Variants in RAB15 observed in about 807,000 individuals in gnomAD.
RAB15 encodes the protein RAB15, member RAS oncogene family, also known as ras-related protein Rab-15.
In RAB15, 13 loss-of-function variants were observed where a neutral mutation model predicts 31.8. The ratio of observed to expected loss-of-function variants is 0.41; its 90% CI spans 0.27 to 0.65. The LOEUF (loss-of-function observed/expected upper bound fraction) is 0.65, where lower values mean the gene tolerates loss of function less well. RAB15 is among the 30% of genes least tolerant of loss of function. The pLI is 0.32. For synonymous variants in RAB15, 100 were observed against 105.6 expected (o/e 0.95, Z 0.33); for missense variants, 220 against 277.3 (o/e 0.79, Z 1.47).
Position 64,948,177 on chromosome 14 carries a change from G to A in RAB15, c.*177C>T. 1 of 617,464 alleles carries A rather than the reference G, an allele frequency of 1.6e-6. No individual in the cohort carries two copies. The highest frequency in any genetic ancestry group is 2.6e-6 in the Non-Finnish European group (1 of 381,378). The allele number at this position is 617,464 out of a possible 1,614,324, so 38.2% of individuals were successfully genotyped here. On this transcript the variant is annotated 3_prime_UTR_variant, in exon 7 of 7. Transcript: ENST00000533601. This position sits in a 1 kb window ranked among gnomAD's most constrained non-coding sequence, Gnocchi z 7.0. ...CAGGGTGGACGGGCTGGGGACAGGG[G>A]CTGCTTGAGATGACAGCAGAGCCGC...
At chr14:64,957,267 C>G (rs1886627607) in intron 1 of RAB15, among the ~76,000 whole-genome samples, 1 of 152,132 alleles carries the variant, frequency 6.6e-6, no homozygotes, top group African/African-American at 2.4e-5. Flanking sequence ...GAGAATACTG[C>G]TTCCCTCCTA....
chr14:64,966,826 GA>G, intron 1 of RAB15, among the ~76,000 whole-genome samples: 1 of 152,254 alleles, frequency 6.6e-6, no homozygotes, highest in East Asian at 1.9e-4. Context: ...GGTACCAGGG[GA>G]ACAGAGTAGG....
At position 64,951,489 on chromosome 14, in the gene RAB15, C is replaced by T; in HGVS notation, c.246+114G>A. ...AACAGCTGAAAGACGCCCTGCGCTC[C>T]TCCAAGCAGGCGAACTGTATTTAGG... On this transcript the variant is annotated intron_variant, in intron 3 of 6. Transcript: ENST00000533601. This position sits in a 1 kb window ranked among gnomAD's most constrained non-coding sequence, Gnocchi z 7.2. The T allele has an allele frequency of 1.0e-6, 1 of 997,664 alleles. No individual in the cohort carries two copies. The highest frequency in any genetic ancestry group is 2.4e-5 in the East Asian group (1 of 42,136). 61.8% of individuals were successfully genotyped at this position (997,664 alleles called of 1,614,324 possible).
chr14:64,956,036 C>T (rs1481093110), intron 1 of RAB15, among the ~76,000 whole-genome samples: 2 of 152,216 alleles, frequency 1.3e-5, no homozygotes, highest in East Asian at 1.9e-4. Flanking sequence ...GTCCACATAT[C>T]GCCTGAGTAA....
rs375805912 is a variant in RAB15, at chr14:64,964,372, CTT to C, written c.124+7579_124+7580del. Among the ~76,000 whole-genome samples the C allele has an allele frequency of 1.2e-4, 18 of 151,668 alleles. No individual in the cohort carries two copies. The South Asian group carries it at 3.5e-3, about 30-fold the overall frequency. ...CCCCTTCTGTACTAAAATACAAAAA[CTT>C]AGCCCAGCGTGGTGGTGCGTGCCTG... is the stretch of plus-strand genomic sequence containing the variant. On this transcript the variant is annotated intron_variant, in intron 1 of 6. Coordinates refer to ENST00000533601, the MANE Select transcript of RAB15 (RefSeq NM_001308154.2).
Position 64,970,892 on chromosome 14 carries a change from G to T in RAB15, c.124+1061C>A, listed in dbSNP as rs998147342. On this transcript the variant is annotated intron_variant, in intron 1 of 6. Coordinates refer to ENST00000533601, the MANE Select transcript of RAB15 (RefSeq NM_001308154.2). This position sits in a 1 kb window ranked among gnomAD's most constrained non-coding sequence, Gnocchi z 4.1. ...CTCTCTCAGCAAGGAATGTGTGTTG[G>T]GGGGAGGGGGGATGGTGTGGACATG... Among the ~76,000 whole-genome samples the T allele has an allele frequency of 1.3e-4, 20 of 152,152 alleles. No homozygotes were observed. Among genetic ancestry groups the T allele is most frequent in the African/African-American group, 4.8e-4 (20 of 41,438 alleles).
rs1337930766 is a variant in RAB15 at position 64,955,263 on chromosome 14, AT to A, written c.125-2693del. Among the ~76,000 whole-genome samples the A allele has an allele frequency of 9.9e-5, 15 of 152,092 alleles. No individual in the cohort carries two copies. Among genetic ancestry groups the A allele is most frequent in the Admixed American group, 4.6e-4 (7 of 15,278 alleles). ...TCCCCGCCCACACAACCTCTCTTAA[AT>A]TTAAAAAAGGTTAACAGCCCAAGGA... On this transcript the variant is annotated intron_variant, in intron 1 of 6. Coordinates refer to ENST00000533601, the MANE Select transcript of RAB15 (RefSeq NM_001308154.2). The surrounding 1 kb of genome is among the most constrained non-coding windows in gnomAD (Gnocchi z 4.4).
At chr14:64,956,601 T>C (rs1321664926) in intron 1 of RAB15, among the ~76,000 whole-genome samples, 1 of 152,184 alleles carries the variant, frequency 6.6e-6, no homozygotes, top group Non-Finnish European at 1.5e-5. Context: ...GTTTTGCACC[T>C]GAAGTGTCAA....
chr14:64,949,133 C>T (rs915430176), intron 5 of RAB15, among the ~76,000 whole-genome samples: 3 of 152,158 alleles, frequency 2.0e-5, no homozygotes, highest in Admixed American at 1.3e-4. Flanking sequence ...TCTGTAAGCC[C>T]CAGCTTTATC....
In RAB15 at chr14:64,950,324, C is replaced by T; in HGVS notation, c.414+1G>A. ...TGGACTTGCCTTTTCCCTCCACTTA[C>T]CTGCTGCCCTTGCTCTCTTCCCACC... On this transcript the variant is annotated splice_donor_variant, in intron 5 of 6. Transcript: ENST00000533601. LOFTEE classifies it high-confidence loss of function. This position sits in a 1 kb window ranked among gnomAD's most constrained non-coding sequence, Gnocchi z 5.6. 6.2e-7 allele frequency: 1 copy of T among 1,613,720 alleles called. No homozygotes were observed. The highest frequency in any genetic ancestry group is 8.5e-7 in the Non-Finnish European group (1 of 1,179,626).
rs571253782 is a variant in RAB15 at position 64,951,302 on chromosome 14, C to T, written c.247-151G>A. ...ATATCTCTTCTCTCAGACCCCACCA[C>T]TGCCGCCTCCCAGGCCCATCACAGA... On this transcript the variant is annotated intron_variant, in intron 3 of 6. Transcript: ENST00000533601. This position sits in a 1 kb window ranked among gnomAD's most constrained non-coding sequence, Gnocchi z 7.2. 1,184 of 686,990 alleles carry T rather than the reference C, an allele frequency of 1.7e-3. 2 individuals are homozygous for T. The highest frequency in any genetic ancestry group is 1.9e-3 in the Non-Finnish European group (784 of 403,034). 42.6% of individuals were successfully genotyped at this position (686,990 alleles called of 1,614,324 possible).
chr14:64,966,646 C>A (rs1208491496), intron 1 of RAB15, among the ~76,000 whole-genome samples: 1 of 152,172 alleles, frequency 6.6e-6, no homozygotes, highest in African/African-American at 2.4e-5. Context: ...TCACAACAAC[C>A]TTTAAGAAAG....
Position 64,953,951 on chromosome 14 carries a change from G to A in RAB15, c.125-1380C>T, listed in dbSNP as rs567684314. 79 of 985,366 alleles carry A rather than the reference G, an allele frequency of 8.0e-5. No homozygotes were observed. In the East Asian group the frequency reaches 1.5e-3, roughly 18 times the overall value. The allele number at this position is 985,366 out of a possible 1,614,324, so 61.0% of individuals were successfully genotyped here. On this transcript the variant is annotated intron_variant, in intron 1 of 6. Coordinates refer to ENST00000533601, the MANE Select transcript of RAB15 (RefSeq NM_001308154.2). This position sits in a 1 kb window ranked among gnomAD's most constrained non-coding sequence, Gnocchi z 4.6. ...CCATCACCACTGCCACTCCACCTCC[G>A]CATCAGTTATTTGCCAAATGGGAGA...
Position 64,946,769 on chromosome 14 carries a change from G to A in RAB15, c.*1585C>T, listed in dbSNP as rs1885943580. ...TTTGTTTTGGCTGCAGCCACGCAGT[G>A]CAGCTAATGTGTGGCTTAAGAATGA... On this transcript the variant is annotated 3_prime_UTR_variant, in exon 7 of 7. Coordinates refer to ENST00000533601, the MANE Select transcript of RAB15 (RefSeq NM_001308154.2). 6.6e-6 allele frequency: 1 copy of A among 152,464 alleles called. No individual in the cohort carries two copies. Among genetic ancestry groups the A allele is most frequent in the Non-Finnish European group, 1.5e-5 (1 of 68,054 alleles). The allele number at this position is 152,464 out of a possible 1,614,324, so 9.4% of individuals were successfully genotyped here.
At chr14:64,961,084 C>A (rs768320053) in intron 1 of RAB15, among the ~76,000 whole-genome samples, 2 of 151,952 alleles carry the variant, frequency 1.3e-5, no homozygotes, top group South Asian at 4.3e-4. Context: ...ACCAGCAGTG[C>A]GACCTGAACT....
At chr14:64,959,259 A>C (rs1399672798) in intron 1 of RAB15, among the ~76,000 whole-genome samples, 3 of 152,178 alleles carry the variant, frequency 2.0e-5, no homozygotes, top group African/African-American at 7.2e-5. Context: ...CATAGAGCAC[A>C]TGCCCCTTTT....
chr14:64,963,586 G>C (rs1163107613), intron 1 of RAB15, among the ~76,000 whole-genome samples: 1 of 152,172 alleles, frequency 6.6e-6, no homozygotes, highest in East Asian at 1.9e-4. Context: ...AAAAGGTTCA[G>C]GGAAGAAAAG....
chr14:64,950,383 A>G lies in RAB15; in HGVS notation c.356T>C (p.Ile119Thr). The G allele has an allele frequency of 6.2e-7, 1 of 1,614,104 alleles. No homozygotes were observed. Among genetic ancestry groups the G allele is most frequent in the Non-Finnish European group, 8.5e-7 (1 of 1,180,002 alleles). The change falls in exon 5 of 7, where the codon ATT becomes ACT. Residue 119 changes from isoleucine (I) to threonine (T), a missense_variant. Transcript: ENST00000533601. The surrounding 1 kb of genome is among the most constrained non-coding windows in gnomAD (Gnocchi z 5.6). The part of the protein sequence containing the change: ...YAPEGVQKIL[I>T]GNKADEEQKR... ...CTGCTCCTCATCAGCCTTATTCCCA[A>G]TAAGGATCTTCTGGACGCCTTCTGG... is the stretch of plus-strand genomic sequence containing the variant.
rs1036893670 is a variant in RAB15, at chr14:64,968,950, G to C, written c.124+3003C>G. Among the ~76,000 whole-genome samples, 4 of 152,190 alleles carry C rather than the reference G, an allele frequency of 2.6e-5. No homozygotes were observed. The East Asian group carries it at 7.7e-4, about 29-fold the overall frequency. ...GGGAGGCCTCTCACTGCTCCCTGGCGGGTTCTTCTCTAGAAGATCGCAGGC... is the reference window on the plus strand; with the variant it reads ...GGGAGGCCTCTCACTGCTCCCTGGCCGGTTCTTCTCTAGAAGATCGCAGGC... On this transcript the variant is annotated intron_variant, in intron 1 of 6. Coordinates refer to ENST00000533601, the MANE Select transcript of RAB15 (RefSeq NM_001308154.2). The surrounding 1 kb of genome is among the most constrained non-coding windows in gnomAD (Gnocchi z 4.9).
Sources: allele counts gnomAD v4.1 joint callset (sites outside exome capture counted in the v4.1 genomes callset), GRCh38; gene constraint gnomAD v4.1.1; non-coding constraint Gnocchi (gnomAD v3.1); transcripts MANE v1.5; gene names NCBI Gene and HGNC (gene_info 2026-07-23, HGNC 2026-07-21).